Variants in MRO observed in about 807,000 individuals in gnomAD.
MRO encodes protein maestro.
A neutral mutation model predicts 31.0 loss-of-function variants in MRO; 28 were observed. That is an observed-to-expected ratio of 0.90 (90% confidence interval 0.67 to 1.24). The LOEUF is 1.24. MRO is among the 50% of genes most tolerant of loss of function. The pLI is 0.00. For missense variants in MRO, 332 were observed against 289.2 expected, an observed-to-expected ratio of 1.15 and a Z score of -1.07; for synonymous variants, 108 against 108.4, an observed-to-expected ratio of 1.00 and a Z score of 0.02.
rs1389158108 is a variant in MRO, at chr18:50,819,918, T to C, written c.-148A>G. On this transcript the variant is annotated 5_prime_UTR_variant, in exon 1 of 8. Coordinates refer to ENST00000398439, the MANE Select transcript of MRO (RefSeq NM_031939.6). ...CTACCTTTGCTTCCCCACGCCATGC[T>C]GAGGTGTTTTTCCTTCTCCTTGCTG... 6.4e-7 allele frequency: 1 copy of C among 1,551,628 alleles called. No homozygotes were observed. The highest frequency in any genetic ancestry group is 8.7e-7 in the Non-Finnish European group (1 of 1,146,986).
chr18:50,798,080 A>C lies in MRO; in HGVS notation c.*1257T>G, dbSNP rs1912937250. 2 of 152,176 alleles carry C rather than the reference A, an allele frequency of 1.3e-5. No individual in the cohort carries two copies. Among genetic ancestry groups the C allele is most frequent in the African/African-American group, 4.8e-5 (2 of 41,438 alleles). 9.4% of individuals were successfully genotyped at this position (152,176 alleles called of 1,614,324 possible). A position where few individuals can be genotyped will look rare whatever the true frequency, so the allele number is the denominator to read the frequency against. On this transcript the variant is annotated 3_prime_UTR_variant, in exon 8 of 8. Transcript: ENST00000398439. The stretch of plus-strand genomic sequence containing the variant: ...CCCGTGTTTTAAATTGTCTTGAACA[A>C]AACGCTCCGGGTGTGGCCTGGATAC...
At position 50,802,904 on chromosome 18, in the gene MRO, A is replaced by T. The variant is rs2849259; in HGVS notation, c.430-1400T>A. 8.5e-4 allele frequency among the ~76,000 whole-genome samples: 125 copies of T among 147,856 alleles called. 1 individual carries two copies. In the East Asian group the frequency reaches 0.022, roughly 26 times the overall value. On this transcript the variant is annotated intron_variant, in intron 5 of 7. Coordinates refer to ENST00000398439, the MANE Select transcript of MRO (RefSeq NM_031939.6). Reference sequence around the variant, plus strand: ...TGGCTCTATTAGTGAGTGTTTGTGTATGTGTGTGTGTAGTGTGTGTGTGTG... The same window carrying T: ...TGGCTCTATTAGTGAGTGTTTGTGTTTGTGTGTGTGTAGTGTGTGTGTGTG...
At chr18:50,807,852 C>A (rs1248785337) in intron 3 of MRO, among the ~76,000 whole-genome samples, 1 of 152,184 alleles carries the variant, frequency 6.6e-6, no homozygotes, top group South Asian at 2.1e-4. Context: ...CCGAGGCAGG[C>A]GGATCGCCTG....
chr18:50,814,008 A>C (rs919720430), intron 2 of MRO, among the ~76,000 whole-genome samples: 1 of 151,942 alleles, frequency 6.6e-6, no homozygotes. Context: ...AAAAATTTTA[A>C]ATTCACATAG....
At chr18:50,806,346 G>C (rs960486622) in intron 4 of MRO, among the ~76,000 whole-genome samples, 3 of 152,096 alleles carry the variant, frequency 2.0e-5, no homozygotes, top group Non-Finnish European at 4.4e-5. Flanking sequence ...AGTGGCCCCC[G>C]GCATACAGCA....
chr18:50,801,535 A>G, intron 5 of MRO, 31 bp from the exon 6 acceptor site: 1 of 1,559,330 alleles, frequency 6.4e-7, no homozygotes, highest in Non-Finnish European at 8.7e-7. Flanking sequence ...ACAATAAGAA[A>G]GCCAGATCAT....
intron 4 of MRO, among the ~76,000 whole-genome samples, 157 bp downstream of exon 4, chr18:50,806,546 TC>T (rs1913951735): frequency 6.6e-6 from 1 of 152,046 alleles, no homozygotes. Context: ...CCCGAGATAA[TC>T]AACACGTGTT....
chr18:50,820,529 T>A (rs976698208), upstream of MRO, among the ~76,000 whole-genome samples: 1 of 152,220 alleles, frequency 6.6e-6, no homozygotes, highest in Non-Finnish European at 1.5e-5. Context: ...AAAAGAACAG[T>A]TATATTTTCA....
At chr18:50,802,121 TTTC>T (rs960434593) in intron 5 of MRO, among the ~76,000 whole-genome samples, 1 of 152,216 alleles carries the variant, frequency 6.6e-6, no homozygotes, top group African/African-American at 2.4e-5. Context: ...CATTTTTCTT[TTTC>T]TTTTCTTTTT....
chr18:50,799,889 A>T lies in MRO; in HGVS notation c.693+147T>A. On this transcript the variant is annotated intron_variant, in intron 7 of 7. Transcript: ENST00000398439. ...TGGTGCCACTGCACTTGCTCTTCTC[A>T]GAAAAAAAGAAAAAATAAAAAAATA... 8 of 594,226 alleles carry T rather than the reference A, an allele frequency of 1.3e-5. No individual in the cohort carries two copies. The East Asian group carries it at 2.3e-4, about 17-fold the overall frequency. 36.8% of individuals were successfully genotyped at this position (594,226 alleles called of 1,614,324 possible).
chr18:50,806,666 G>C, intron 4 of MRO, 38 bp downstream of exon 4: 1 of 1,613,132 alleles, frequency 6.2e-7, no homozygotes, highest in Non-Finnish European at 8.5e-7. Flanking sequence ...GGTTGGAGAG[G>C]CTTGGGGAGC....
intron 4 of MRO, 50 bp from the exon 5 acceptor site, chr18:50,805,386 A>T: frequency 6.6e-7 from 1 of 1,518,714 alleles, no homozygotes; most frequent in Non-Finnish European, 9.0e-7. Context: ...TGCTCCCCAT[A>T]GGTTGAAAAG....
chr18:50,805,348 G>A lies in MRO; in HGVS notation c.247-12C>T, dbSNP rs778707550. Reference sequence around the variant, plus strand: ...TTATACTTTCTCACCTGTCACCAAGGTTTGAAAAGCAGTAATAGCACAGGA... The same window carrying A: ...TTATACTTTCTCACCTGTCACCAAGATTTGAAAAGCAGTAATAGCACAGGA... On this transcript the variant is annotated splice_polypyrimidine_tract_variant and intron_variant, in intron 4 of 7. Coordinates refer to ENST00000398439, the MANE Select transcript of MRO (RefSeq NM_031939.6). 3 of 1,611,428 alleles carry A rather than the reference G, an allele frequency of 1.9e-6. No individual in the cohort carries two copies. The highest frequency in any genetic ancestry group is 2.2e-5 in the South Asian group (2 of 90,722).
chr18:50,806,122 A>G (rs1482448584), intron 4 of MRO, among the ~76,000 whole-genome samples: 3 of 152,180 alleles, frequency 2.0e-5, no homozygotes, highest in Admixed American at 6.5e-5. Context: ...TATAAAAGAA[A>G]TGGGGTTTCA....
upstream of MRO, among the ~76,000 whole-genome samples, chr18:50,821,134 G>C (rs1305190241): frequency 6.6e-6 from 1 of 152,216 alleles, no homozygotes; most frequent in Non-Finnish European, 1.5e-5. Context: ...TCAGGCAAAA[G>C]CATTTTGGTT....
chr18:50,824,474 A>C, upstream of MRO, among the ~76,000 whole-genome samples: 1 of 134,668 alleles, frequency 7.4e-6, no homozygotes. Context: ...TTTTTTTTTG[A>C]GACAGAGTCT....
At chr18:50,800,245 C>A in intron 6 of MRO, 102 bp from the exon 7 acceptor site, 1 of 756,658 alleles carries the variant, frequency 1.3e-6, no homozygotes, top group Non-Finnish European at 2.1e-6. Flanking sequence ...GTCAGGGGCC[C>A]ACTGAAAGTG....
chr18:50,819,628 C>T lies in MRO; in HGVS notation c.-52G>A. The T allele has an allele frequency of 6.4e-7, 1 of 1,551,644 alleles. No individual in the cohort carries two copies. The highest frequency in any genetic ancestry group is 1.2e-5 in the South Asian group (1 of 84,048). On this transcript the variant is annotated 5_prime_UTR_variant, in exon 2 of 8. Coordinates refer to ENST00000398439, the MANE Select transcript of MRO (RefSeq NM_031939.6). ...CCACGTGATGAACCGGAGCCCGTTCCTGACTCGGGAGGGCTGCTTTCCCGG... is the reference window on the plus strand; with the variant it reads ...CCACGTGATGAACCGGAGCCCGTTCTTGACTCGGGAGGGCTGCTTTCCCGG...
intron 2 of MRO, among the ~76,000 whole-genome samples, chr18:50,810,727 A>G (rs1914403657): frequency 6.6e-6 from 1 of 152,218 alleles, no homozygotes; most frequent in Non-Finnish European, 1.5e-5. Context: ...ATGCACTAAA[A>G]TAATTTGAAG....
Sources: allele counts gnomAD v4.1 joint callset (sites outside exome capture counted in the v4.1 genomes callset), GRCh38; gene constraint gnomAD v4.1.1; transcripts MANE v1.5; gene names NCBI Gene and HGNC (gene_info 2026-07-23, HGNC 2026-07-21).